The following NPTN variants were observed in gnomAD, a reference collection of about 807,000 sequenced individuals.
The protein encoded by NPTN is neuroplastin.
Under a neutral mutation model 42.7 loss-of-function variants are expected in NPTN, and 5 were observed. That is an observed-to-expected ratio of 0.12 (90% confidence interval 0.06 to 0.25). The LOEUF is 0.25. NPTN is among the 10% of genes least tolerant of loss of function. The pLI is 1.00. For synonymous variants in NPTN, 180 were observed against 201.9 expected (o/e 0.89, Z 0.92); for missense variants, 307 against 525.4 (o/e 0.58, Z 4.06).
chr15:73,583,659 G>GATATTATT (rs1176037020), intron 4 of NPTN, among the ~76,000 whole-genome samples: 1 of 152,184 alleles, frequency 6.6e-6, no homozygotes, highest in African/African-American at 2.4e-5. Context: ...GCAGCTTCAT[G>GATATTATT]ATATTATTAT....
At chr15:73,564,527 A>G (rs535375861) in intron 6 of NPTN, among the ~76,000 whole-genome samples, 1 of 152,358 alleles carries the variant, frequency 6.6e-6, no homozygotes, top group South Asian at 2.1e-4. Flanking sequence ...CAGCCAAAAC[A>G]ATAGGCTAGC....
intron 4 of NPTN, among the ~76,000 whole-genome samples, chr15:73,580,588 T>TTATATATG (rs538340001): frequency 1.7e-5 from 2 of 119,934 alleles, no homozygotes; most frequent in Admixed American, 1.6e-4. Flanking sequence ...TATATACATG[T>TTATATATG]TATATATGTA....
At chr15:73,565,984 T>C (rs1894976083) in intron 6 of NPTN, among the ~76,000 whole-genome samples, 1 of 152,224 alleles carries the variant, frequency 6.6e-6, no homozygotes, top group Admixed American at 6.5e-5. Flanking sequence ...AAAGGTCCTT[T>C]GTCACTGCAT....
intron 5 of NPTN, among the ~76,000 whole-genome samples, chr15:73,572,447 C>T (rs1477365148): frequency 6.6e-6 from 1 of 152,314 alleles, no homozygotes; most frequent in Non-Finnish European, 1.5e-5. Flanking sequence ...TCCCACTGAT[C>T]GGAAAAGATG....
chr15:73,615,164 T>C (rs1897803131), intron 1 of NPTN, among the ~76,000 whole-genome samples: 1 of 151,990 alleles, frequency 6.6e-6, no homozygotes, highest in African/African-American at 2.4e-5. Context: ...ATCTTTTTTT[T>C]TTTTTTTTTA....
chr15:73,630,291 C>G (rs1898667852), intron 1 of NPTN, among the ~76,000 whole-genome samples: 1 of 152,210 alleles, frequency 6.6e-6, no homozygotes, highest in Non-Finnish European at 1.5e-5. Flanking sequence ...GAGTCTGTCA[C>G]CGTCCAAAGC....
intron 4 of NPTN, among the ~76,000 whole-genome samples, chr15:73,576,174 G>A (rs1300653223): frequency 2.0e-5 from 3 of 152,224 alleles, no homozygotes; most frequent in Non-Finnish European, 4.4e-5. Flanking sequence ...AGCCAGCCAT[G>A]CTTCATTCAT....
intron 4 of NPTN, among the ~76,000 whole-genome samples, chr15:73,581,399 G>C (rs1282213854): frequency 1.3e-5 from 2 of 152,092 alleles, no homozygotes; most frequent in Non-Finnish European, 2.9e-5. Context: ...CAAGAGCAAG[G>C]GGTAGGAGCA....
chr15:73,564,018 T>C (rs1403438111), intron 6 of NPTN, among the ~76,000 whole-genome samples: 1 of 152,214 alleles, frequency 6.6e-6, no homozygotes, highest in Non-Finnish European at 1.5e-5. Flanking sequence ...GATAACTTTT[T>C]TAAAATCAAA....
chr15:73,595,761 G>A (rs1381765858), intron 2 of NPTN, among the ~76,000 whole-genome samples: 1 of 152,172 alleles, frequency 6.6e-6, no homozygotes, highest in Non-Finnish European at 1.5e-5. Context: ...CAGGTTTGAT[G>A]TGGGGCCAGA....
chr15:73,599,050 AC>A (rs1474887146), intron 1 of NPTN, among the ~76,000 whole-genome samples: 2 of 152,202 alleles, frequency 1.3e-5, no homozygotes, highest in Non-Finnish European at 2.9e-5. Flanking sequence ...CTTAGACTAA[AC>A]GTTCTGCCTT....
chr15:73,622,918 C>G (rs1052742658), intron 1 of NPTN, among the ~76,000 whole-genome samples: 1 of 152,204 alleles, frequency 6.6e-6, no homozygotes, highest in Non-Finnish European at 1.5e-5. Flanking sequence ...CAACCCTACA[C>G]TCTTCAAACT....
rs1237859170 is a variant in NPTN, at chr15:73,633,306, C to CGCGAGGGAGTGA, written c.-103_-92dup. ...GAGGGAGGGAGGGGGCGGGCGAGTG[C>CGCGAGGGAGTGA]GCGAGGGAGTGAGCGAGGGAGGCAG... On this transcript the variant is annotated 5_prime_UTR_variant, in exon 1 of 9. Transcript: ENST00000345330. 4.2e-6 allele frequency: 4 copies of CGCGAGGGAGTGA among 959,658 alleles called. No individual in the cohort carries two copies. The highest frequency in any genetic ancestry group is 2.1e-5 in the South Asian group (1 of 48,372). The allele number at this position is 959,658 out of a possible 1,614,324, so 59.4% of individuals were successfully genotyped here.
intron 1 of NPTN, among the ~76,000 whole-genome samples, chr15:73,626,548 G>A (rs1012593963): frequency 6.6e-6 from 1 of 152,080 alleles, no homozygotes; most frequent in Non-Finnish European, 1.5e-5. Context: ...TAGTCCAATG[G>A]TTTCCAAATC....
At chr15:73,589,526 ACAT>A (rs1444602792) in intron 3 of NPTN, among the ~76,000 whole-genome samples, 1 of 152,050 alleles carries the variant, frequency 6.6e-6, no homozygotes, top group Non-Finnish European at 1.5e-5. Flanking sequence ...AAGAAGAAAA[ACAT>A]CAGCCTCCAG....
intron 1 of NPTN, among the ~76,000 whole-genome samples, chr15:73,613,086 G>A (rs1241829075): frequency 1.3e-5 from 2 of 152,212 alleles, no homozygotes; most frequent in African/African-American, 4.8e-5. Flanking sequence ...GATGTATTAT[G>A]TAAGATTAAG....
intron 1 of NPTN, among the ~76,000 whole-genome samples, chr15:73,625,456 C>T (rs748926006): frequency 4.6e-5 from 7 of 151,908 alleles, no homozygotes; most frequent in African/African-American, 1.2e-4. Flanking sequence ...GCCTCAGCCC[C>T]GAGTAGCTGG....
rs551045833 is a variant in NPTN at position 73,599,853 on chromosome 15, G to A, written c.92-2484C>T. On this transcript the variant is annotated intron_variant, in intron 1 of 8. Transcript: ENST00000345330. ...CTTGGGGAGTTACAGCCTCTCAAATGCGGTAATTATGTACTCGATTATGCC... is the reference window on the plus strand; with the variant it reads ...CTTGGGGAGTTACAGCCTCTCAAATACGGTAATTATGTACTCGATTATGCC... 5.3e-5 allele frequency among the ~76,000 whole-genome samples: 8 copies of A among 152,140 alleles called. No homozygotes were observed. In the East Asian group the frequency reaches 1.5e-3, roughly 29 times the overall value.
rs552022158 is a variant in NPTN at position 73,633,354 on chromosome 15, C to T, written c.-139G>A. The T allele has an allele frequency of 1.3e-3, 735 of 573,534 alleles. 12 individuals carry two copies. The East Asian group carries it at 0.024, about 19-fold the overall frequency. The allele number at this position is 573,534 out of a possible 1,614,324, so 35.5% of individuals were successfully genotyped here. ...CAGCCGCGGCTCGGCTCCGTCCTTC[C>T]CCGTCCTCCTCCTGCCGCCGCAGCG... On this transcript the variant is annotated 5_prime_UTR_variant, in exon 1 of 9. Coordinates refer to ENST00000345330, the MANE Select transcript of NPTN (RefSeq NM_012428.4).
Sources: allele counts gnomAD v4.1 joint callset (sites outside exome capture counted in the v4.1 genomes callset), GRCh38; gene constraint gnomAD v4.1.1; transcripts MANE v1.5; gene names NCBI Gene and HGNC (gene_info 2026-07-23, HGNC 2026-07-21).